EPS15: variants seen among roughly 807,000 people sequenced by gnomAD.
EPS15 encodes the protein epidermal growth factor receptor pathway substrate 15.
A neutral mutation model predicts 113.8 loss-of-function variants in EPS15; 72 were observed. The observed-to-expected ratio is 0.63, with a 90% CI of 0.52 to 0.77. The LOEUF (loss-of-function observed/expected upper bound fraction) is 0.77, where lower values mean the gene tolerates loss of function less well. Ranked by LOEUF, EPS15 falls within the 30% of genes least tolerant of loss-of-function variation. The pLI, the probability that EPS15 is intolerant of heterozygous loss-of-function variation, is 0.00. For synonymous variants in EPS15, 344 were observed against 363.4 expected (o/e 0.95, Z 0.61); for missense variants, 1,048 against 1,045.8 (o/e 1.00, Z -0.03).
At chr1:51,495,958 G>C (rs975995916) in intron 1 of EPS15, among the ~76,000 whole-genome samples, 12 of 152,176 alleles carry the variant, frequency 7.9e-5, no homozygotes, top group Admixed American at 1.3e-4. Flanking sequence ...TTTTCAATCA[G>C]TAATCAAATG....
At chr1:51,508,346 A>AAGAAAG (rs1644555692) in intron 1 of EPS15, among the ~76,000 whole-genome samples, 1 of 126,070 alleles carries the variant, frequency 7.9e-6, no homozygotes, top group Non-Finnish European at 1.8e-5. Context: ...GAGAGAAAGA[A>AAGAAAG]AGAAAGAAAG....
At chr1:51,465,785 A>G (rs1654800904) in intron 5 of EPS15, among the ~76,000 whole-genome samples, 1 of 152,078 alleles carries the variant, frequency 6.6e-6, no homozygotes, top group Admixed American at 6.5e-5. Context: ...CCCTAAATTA[A>G]CCTTCTGACT....
At chr1:51,506,828 A>T (rs927676124) in intron 1 of EPS15, among the ~76,000 whole-genome samples, 9 of 150,000 alleles carry the variant, frequency 6.0e-5, no homozygotes, top group Non-Finnish European at 8.8e-5. Flanking sequence ...GTAGAGAACA[A>T]ACTAAGAATG....
At chr1:51,457,506 TTA>T (rs1654097784) in intron 8 of EPS15, 1 of 146,830 alleles carries the variant, frequency 6.8e-6, no homozygotes, top group Non-Finnish European at 1.5e-5. Flanking sequence ...TTTTGGAATA[TTA>T]TCTTTTTTTT....
At chr1:51,372,923 A>C (rs1646694711) in intron 21 of EPS15, 1 of 740,294 alleles carries the variant, frequency 1.4e-6, no homozygotes, top group Non-Finnish European at 2.0e-6. Context: ...GCTGCCAATC[A>C]ACCACCAGAT....
chr1:51,364,727 G>A (rs912084607), intron 22 of EPS15, among the ~76,000 whole-genome samples: 1 of 151,998 alleles, frequency 6.6e-6, no homozygotes. Context: ...TCGAACTCCT[G>A]GGCTCAAGCA....
intron 2 of EPS15, among the ~76,000 whole-genome samples, chr1:51,477,165 T>C (rs1489219432): frequency 6.6e-6 from 1 of 152,222 alleles, no homozygotes; most frequent in Non-Finnish European, 1.5e-5. Flanking sequence ...ATACAACTTC[T>C]TCCTGGTTTA....
chr1:51,376,518 G>T lies in EPS15; in HGVS notation c.2120-10489C>A, dbSNP rs181628193. ...GTCTCTACTAAAAATACAAAAATCA[G>T]CCGTGTGTGGTGGCATGTGCCTGTA... On this transcript the variant is annotated intron_variant, in intron 21 of 24. Transcript: ENST00000371733. Among the ~76,000 whole-genome samples, 47 of 152,126 alleles carry T rather than the reference G, an allele frequency of 3.1e-4. 1 individual carries two copies. In the East Asian group the frequency reaches 9.1e-3, roughly 30 times the overall value.
At position 51,356,620 on chromosome 1, in the gene EPS15, T is replaced by C. The variant is rs1393232195; in HGVS notation, c.*80A>G. ...CCTTTTGTATTCCCATGCTCACAGG[T>C]AGTTTTGATACACATTGTAAATAGT... On this transcript the variant is annotated 3_prime_UTR_variant, in exon 25 of 25. Transcript: ENST00000371733. The C allele has an allele frequency of 8.4e-6, 10 of 1,185,380 alleles. No individual in the cohort carries two copies. Among genetic ancestry groups the C allele is most frequent in the Non-Finnish European group, 4.7e-6 (4 of 851,572 alleles). The allele number at this position is 1,185,380 out of a possible 1,614,324, so 73.4% of individuals were successfully genotyped here.
intron 2 of EPS15, among the ~76,000 whole-genome samples, chr1:51,474,690 T>C (rs904268418): frequency 3.3e-5 from 5 of 152,070 alleles, no homozygotes; most frequent in Non-Finnish European, 5.9e-5. Context: ...TTTATTATTA[T>C]TATTATTATA....
At chr1:51,510,582 C>T (rs958372596) in intron 1 of EPS15, among the ~76,000 whole-genome samples, 1 of 152,010 alleles carries the variant, frequency 6.6e-6, no homozygotes, top group Non-Finnish European at 1.5e-5. Context: ...ATACTTAGCC[C>T]ACTAGATAGA....
intron 16 of EPS15, among the ~76,000 whole-genome samples, chr1:51,404,043 G>C (rs1383491875): frequency 6.6e-6 from 1 of 152,144 alleles, no homozygotes; most frequent in East Asian, 1.9e-4. Context: ...GTGGGTGAAA[G>C]ACTTAAGAAG....
intron 22 of EPS15, 144 bp downstream of exon 22, chr1:51,365,809 T>C (rs1040257140): frequency 5.2e-5 from 29 of 553,494 alleles, no homozygotes; most frequent in African/African-American, 5.0e-4. Flanking sequence ...ATGTTATCTT[T>C]CATTTCTATC....
intron 21 of EPS15, among the ~76,000 whole-genome samples, chr1:51,368,210 T>C (rs1296468950): frequency 6.6e-6 from 1 of 152,220 alleles, no homozygotes; most frequent in Non-Finnish European, 1.5e-5. Flanking sequence ...ATCCGCCCAT[T>C]TGAATGTGTA....
chr1:51,456,111 T>C (rs1557487210), intron 8 of EPS15, among the ~76,000 whole-genome samples: 1 of 152,190 alleles, frequency 6.6e-6, no homozygotes, highest in Non-Finnish European at 1.5e-5. Context: ...AATCTTTAAC[T>C]TCATTTATTC....
Position 51,465,242 on chromosome 1 carries a change from A to T in EPS15, c.375+19T>A. The T allele has an allele frequency of 6.5e-7, 1 of 1,534,808 alleles. No individual in the cohort carries two copies. The highest frequency in any genetic ancestry group is 9.0e-7 in the Non-Finnish European group (1 of 1,112,620). On this transcript the variant is annotated intron_variant, in intron 6 of 24. Coordinates refer to ENST00000371733, the MANE Select transcript of EPS15 (RefSeq NM_001981.3). ...GGAAGCAATGAAGGGGTGAGAGAAT[A>T]GTTACAAAGTTTACTTACTTTTACA...
At chr1:51,410,145 C>T (rs1649564661) in intron 13 of EPS15, among the ~76,000 whole-genome samples, 1 of 151,776 alleles carries the variant, frequency 6.6e-6, no homozygotes, top group Non-Finnish European at 1.5e-5. Flanking sequence ...AGGAGAATTG[C>T]TTGAACCCAG....
intron 1 of EPS15, among the ~76,000 whole-genome samples, chr1:51,513,183 A>G (rs1293674531): frequency 1.3e-5 from 2 of 152,168 alleles, no homozygotes; most frequent in Non-Finnish European, 2.9e-5. Context: ...CAAAAATTAC[A>G]CCTACTAGAA....
At chr1:51,443,102 G>T (rs925496030) in intron 11 of EPS15, among the ~76,000 whole-genome samples, 3 of 152,018 alleles carry the variant, frequency 2.0e-5, no homozygotes, top group African/African-American at 7.2e-5. Context: ...AATAATACTG[G>T]TATCTGACAT....
Sources: gnomAD v4.1 joint callset for allele counts (sites outside exome capture counted in the v4.1 genomes callset) on GRCh38, gnomAD v4.1.1 for gene constraint, MANE v1.5 for transcripts, NCBI Gene and HGNC (gene_info 2026-07-23, HGNC 2026-07-21) for gene names.